KIF26B: variants seen among roughly 807,000 people sequenced by gnomAD.
The protein encoded by KIF26B is kinesin family member 26B.
A neutral mutation model predicts 151.2 loss-of-function variants in KIF26B; 63 were observed. The ratio of observed to expected loss-of-function variants is 0.42; its 90% CI spans 0.34 to 0.51. KIF26B has a LOEUF of 0.51. KIF26B is among the 20% of genes least tolerant of loss of function. The probability of loss-of-function intolerance (pLI) is 0.07; values close to 1 mark genes in which losing one functional copy is unlikely to be tolerated. For synonymous variants in KIF26B, 1,357 were observed against 1,262.1 expected, an observed-to-expected ratio of 1.08 and a Z score of -1.59; for missense variants, 2,813 against 2,913.6, an observed-to-expected ratio of 0.97 and a Z score of 0.79.
chr1:245,282,917 C>G, intron 2 of KIF26B: 1 of 315,010 alleles, frequency 3.2e-6, no homozygotes, highest in Admixed American at 3.4e-5. Context: ...CCCATTTTGT[C>G]ATTTTGGGTT....
At chr1:245,451,464 T>C (rs1333442567) in intron 4 of KIF26B, among the ~76,000 whole-genome samples, 5 of 152,000 alleles carry the variant, frequency 3.3e-5, no homozygotes, top group African/African-American at 7.2e-5. Flanking sequence ...TATTTTTTAA[T>C]TTATGAATTT....
intron 4 of KIF26B, among the ~76,000 whole-genome samples, chr1:245,439,597 A>G (rs574156245): frequency 6.6e-6 from 1 of 152,338 alleles, no homozygotes; most frequent in South Asian, 2.1e-4. Context: ...AAATTGGTAC[A>G]CAAATCTAAA....
chr1:245,210,277 C>G (rs955463902), intron 2 of KIF26B, among the ~76,000 whole-genome samples: 1 of 152,238 alleles, frequency 6.6e-6, no homozygotes, highest in Admixed American at 6.5e-5. Context: ...GCCTCAGCCT[C>G]TCTGCCTAGG....
chr1:245,446,721 C>T (rs1447608967), intron 4 of KIF26B, among the ~76,000 whole-genome samples: 1 of 152,176 alleles, frequency 6.6e-6, no homozygotes, highest in African/African-American at 2.4e-5. Context: ...TATGTGAGCT[C>T]TTCATCTCAT....
chr1:245,273,613 T>G (rs185960199), intron 2 of KIF26B, among the ~76,000 whole-genome samples: 4 of 152,300 alleles, frequency 2.6e-5, no homozygotes, highest in Admixed American at 2.6e-4. Flanking sequence ...CATTAAATAA[T>G]GTTGTTTCTG....
intron 4 of KIF26B, among the ~76,000 whole-genome samples, chr1:245,466,294 G>T (rs1453613375): frequency 6.6e-6 from 1 of 152,310 alleles, no homozygotes; most frequent in East Asian, 1.9e-4. Flanking sequence ...CTGCACGCCG[G>T]CTCCCAGGTC....
intron 5 of KIF26B, among the ~76,000 whole-genome samples, chr1:245,596,337 C>T (rs983569539): frequency 1.3e-5 from 2 of 152,038 alleles, no homozygotes; most frequent in Non-Finnish European, 2.9e-5. Context: ...TAAATGTGTC[C>T]CAGAGATTCT....
Position 245,686,904 on chromosome 1 carries a change from G to A in KIF26B, c.3921G>A (p.Gly1307=), listed in dbSNP as rs759451166. The change falls in exon 12 of 15, where the codon GGG becomes GGA. Residue 1307 remains glycine (G), a synonymous_variant. Coordinates refer to ENST00000407071, the MANE Select transcript of KIF26B (RefSeq NM_018012.4). This position sits in a 1 kb window ranked among gnomAD's most constrained non-coding sequence, Gnocchi z 5.6. The part of the protein sequence containing the change: ...SFIAQTCFGH[G]EAMAEPVASE... ...TAGCCCAGACGTGTTTTGGGCACGG[G>A]GAGGCAATGGCAGAACCTGTGGCCT... The A allele has an allele frequency of 6.2e-7, 1 of 1,613,402 alleles. No individual in the cohort carries two copies. Among genetic ancestry groups the A allele is most frequent in the Non-Finnish European group, 8.5e-7 (1 of 1,179,772 alleles).
intron 4 of KIF26B, among the ~76,000 whole-genome samples, chr1:245,425,640 C>G (rs576331446): frequency 6.6e-6 from 1 of 152,326 alleles, no homozygotes; most frequent in South Asian, 2.1e-4. Flanking sequence ...CTCCTGACCT[C>G]ATGATCCTCC....
chr1:245,155,631 C>T lies in KIF26B; in HGVS notation c.63+144C>T, dbSNP rs537406215. ...CGGGGCTGGCGGGGTTGTGAGTGCG[C>T]GGAGGCGGGTCGGCCGCGGGGACGC... is the stretch of plus-strand genomic sequence containing the variant. On this transcript the variant is annotated intron_variant, in intron 1 of 14. Coordinates refer to ENST00000407071, the MANE Select transcript of KIF26B (RefSeq NM_018012.4). 186 of 678,998 alleles carry T rather than the reference C, an allele frequency of 2.7e-4. 1 individual carries two copies. In the East Asian group the frequency reaches 5.4e-3, roughly 20 times the overall value. The allele number at this position is 678,998 out of a possible 1,614,324, so 42.1% of individuals were successfully genotyped here. A position where few individuals can be genotyped will look rare whatever the true frequency, so the allele number is the denominator to read the frequency against.
rs150280642 is a variant in KIF26B, at chr1:245,533,318, G to A, written c.1167-7449G>A. Among the ~76,000 whole-genome samples, 80 of 152,240 alleles carry A rather than the reference G, an allele frequency of 5.3e-4. No individual in the cohort carries two copies. The Middle Eastern group carries it at 0.01, about 19-fold the overall frequency. On this transcript the variant is annotated intron_variant, in intron 4 of 14. Coordinates refer to ENST00000407071, the MANE Select transcript of KIF26B (RefSeq NM_018012.4). ...CCTGTCCTGGGTCGGGACCCTTTCT[G>A]TTCAGCAGGTGCAGTGGCTCTGAGA...
At chr1:245,228,482 C>G (rs539850202) in intron 2 of KIF26B, among the ~76,000 whole-genome samples, 2 of 151,714 alleles carry the variant, frequency 1.3e-5, no homozygotes, top group Admixed American at 1.3e-4. Flanking sequence ...AGGAGAATTG[C>G]TTGAAACTGG....
At chr1:245,674,083 A>T (rs932058065) in intron 10 of KIF26B, among the ~76,000 whole-genome samples, 4 of 152,200 alleles carry the variant, frequency 2.6e-5, no homozygotes, top group Non-Finnish European at 5.9e-5. Context: ...TTTAAAGTGG[A>T]AGGAGATCAA....
At chr1:245,503,378 C>T (rs915633693) in intron 4 of KIF26B, among the ~76,000 whole-genome samples, 2 of 152,208 alleles carry the variant, frequency 1.3e-5, no homozygotes, top group African/African-American at 4.8e-5. Context: ...GTATATACCA[C>T]ATGCCAAATG....
chr1:245,479,197 A>G (rs1266447360), intron 4 of KIF26B, among the ~76,000 whole-genome samples: 1 of 151,822 alleles, frequency 6.6e-6, no homozygotes, highest in African/African-American at 2.4e-5. Flanking sequence ...ACTGAGTAAG[A>G]TCACTAAGGC....
rs1279244172 is a variant in KIF26B, at chr1:245,302,364, G to A, written c.466-64470G>A. Among the ~76,000 whole-genome samples, 3 of 152,208 alleles carry A rather than the reference G, an allele frequency of 2.0e-5. No individual in the cohort carries two copies. In the East Asian group the frequency reaches 5.8e-4, roughly 29 times the overall value. ...AAGCTCATAATGTGGTGAAGATACC[G>A]TTTTGGGATTATTTCTAGAACGTGA... On this transcript the variant is annotated intron_variant, in intron 2 of 14. Coordinates refer to ENST00000407071, the MANE Select transcript of KIF26B (RefSeq NM_018012.4).
intron 4 of KIF26B, among the ~76,000 whole-genome samples, chr1:245,520,511 T>G (rs1467570689): frequency 6.8e-5 from 1 of 14,782 alleles, no homozygotes; most frequent in Admixed American, 9.2e-4. Context: ...ACACAATCTA[T>G]TCATCCATCC....
intron 2 of KIF26B, among the ~76,000 whole-genome samples, chr1:245,230,310 AC>A (rs1669969770): frequency 6.6e-6 from 1 of 152,244 alleles, no homozygotes; most frequent in Non-Finnish European, 1.5e-5. Context: ...CTGCACTTGA[AC>A]AACTGAAGAG....
At chr1:245,238,752 C>G (rs913846864) in intron 2 of KIF26B, among the ~76,000 whole-genome samples, 4 of 151,982 alleles carry the variant, frequency 2.6e-5, no homozygotes, top group African/African-American at 4.8e-5. Flanking sequence ...ATCTCAGCTA[C>G]TCGGGAGGCT....
Sources: gnomAD v4.1 joint callset for allele counts (sites outside exome capture counted in the v4.1 genomes callset) on GRCh38, gnomAD v4.1.1 for gene constraint, Gnocchi (gnomAD v3.1) non-coding constraint, MANE v1.5 for transcripts, NCBI Gene and HGNC (gene_info 2026-07-23, HGNC 2026-07-21) for gene names.